Variants in FSTL5 observed in about 807,000 individuals in gnomAD.
FSTL5 encodes follistatin like 5.
A neutral mutation model predicts 89.1 loss-of-function variants in FSTL5; 62 were observed. The ratio of observed to expected loss-of-function variants is 0.70; its 90% confidence interval spans 0.57 to 0.86. The LOEUF (loss-of-function observed/expected upper bound fraction) is 0.86. Among genes scored for constraint, FSTL5 ranks in the 40% least tolerant of loss-of-function variants. The pLI, the probability that FSTL5 is intolerant of heterozygous loss-of-function variation, is 0.00. For missense variants in FSTL5, 1,057 were observed against 1,001.6 expected (o/e 1.06, Z -0.75); for synonymous variants, 383 against 346.2 (o/e 1.11, Z -1.18).
chr4:162,010,426 A>G (rs1264097507), intron 3 of FSTL5, among the ~76,000 whole-genome samples: 3 of 152,218 alleles, frequency 2.0e-5, no homozygotes, highest in Admixed American at 6.5e-5. Context: ...TCATGCTAAA[A>G]GGAAAAAAAT....
At chr4:161,993,435 T>C (rs191283434) in intron 3 of FSTL5, among the ~76,000 whole-genome samples, 275 of 146,932 alleles carry the variant, frequency 1.9e-3, no homozygotes, top group Middle Eastern at 3.6e-3. Context: ...TTTTGAGAAG[T>C]ATGATTTTTA....
intron 13 of FSTL5, among the ~76,000 whole-genome samples, chr4:161,468,257 T>C (rs201117551): frequency 0.03 from 4,485 of 152,008 alleles, 162 homozygotes; most frequent in East Asian, 0.13. Flanking sequence ...TTTTTTTTTT[T>C]TTTTACAATA....
intron 4 of FSTL5, among the ~76,000 whole-genome samples, chr4:161,808,226 A>G (rs537047653): frequency 6.6e-6 from 1 of 152,302 alleles, no homozygotes; most frequent in South Asian, 2.1e-4. Flanking sequence ...TAGATGGCCA[A>G]TGTATGATTG....
At chr4:161,499,908 T>C (rs1222082658) in intron 12 of FSTL5, 108 bp downstream of exon 12, 2 of 668,498 alleles carry the variant, frequency 3.0e-6, no homozygotes, top group Non-Finnish European at 5.3e-6. Flanking sequence ...CATAATTTTC[T>C]TCCAACACGA....
At chr4:162,066,317 C>CTTTCTTCTTCTTCT (rs373147359) in intron 2 of FSTL5, among the ~76,000 whole-genome samples, 1 of 89,546 alleles carries the variant, frequency 1.1e-5, no homozygotes, top group Non-Finnish European at 2.1e-5. Context: ...TCTTCTTCTT[C>CTTTCTTCTTCTTCT]TTCTTCTTCT....
At chr4:161,480,318 C>T (rs1356341768) in intron 13 of FSTL5, among the ~76,000 whole-genome samples, 3 of 152,236 alleles carry the variant, frequency 2.0e-5, no homozygotes, top group South Asian at 4.1e-4. Context: ...AACTTAATTT[C>T]CTCTGAGCTG....
intron 4 of FSTL5, among the ~76,000 whole-genome samples, chr4:161,779,753 GT>G (rs61609064): frequency 8.2e-5 from 8 of 96,974 alleles, no homozygotes; most frequent in Non-Finnish European, 8.8e-5. Flanking sequence ...AGGATTATTT[GT>G]AAAGTTATAT....
At chr4:161,674,440 C>A (rs1026847847) in intron 6 of FSTL5, among the ~76,000 whole-genome samples, 6 of 152,130 alleles carry the variant, frequency 3.9e-5, no homozygotes, top group Non-Finnish European at 7.4e-5. Flanking sequence ...TTCCTCATTG[C>A]TGCCCTGGTC....
intron 7 of FSTL5, among the ~76,000 whole-genome samples, chr4:161,636,384 T>C (rs1056279465): frequency 2.6e-5 from 4 of 151,608 alleles, no homozygotes; most frequent in Non-Finnish European, 5.9e-5. Context: ...TTAAACATTA[T>C]CCATAATCTC....
intron 3 of FSTL5, among the ~76,000 whole-genome samples, chr4:162,029,031 T>A (rs1281874319): frequency 1.3e-5 from 2 of 152,066 alleles, no homozygotes; most frequent in African/African-American, 2.4e-5. Flanking sequence ...TGTCCCCGGA[T>A]ACATTAGGCG....
chr4:162,147,524 A>G (rs913160809), intron 1 of FSTL5, among the ~76,000 whole-genome samples: 7 of 152,168 alleles, frequency 4.6e-5, no homozygotes, highest in Non-Finnish European at 1.0e-4. Flanking sequence ...GAATTATACA[A>G]TCACTCTATT....
At chr4:161,488,084 T>C (rs540321507) in intron 12 of FSTL5, among the ~76,000 whole-genome samples, 2 of 152,222 alleles carry the variant, frequency 1.3e-5, no homozygotes, top group Non-Finnish European at 2.9e-5. Context: ...TTTGGTAGCA[T>C]TGAATAGCCT....
At chr4:161,595,801 T>A (rs1038571917) in intron 7 of FSTL5, among the ~76,000 whole-genome samples, 1 of 152,008 alleles carries the variant, frequency 6.6e-6, no homozygotes, top group Non-Finnish European at 1.5e-5. Flanking sequence ...ATAAAAGATA[T>A]TTCATCTGTT....
At chr4:161,641,445 C>A (rs1735953452) in intron 7 of FSTL5, among the ~76,000 whole-genome samples, 1 of 149,258 alleles carries the variant, frequency 6.7e-6, no homozygotes, top group South Asian at 2.1e-4. Flanking sequence ...TGTTAAAGAG[C>A]AGAATTTTGT....
At chr4:161,683,588 C>A (rs1299546883) in intron 6 of FSTL5, among the ~76,000 whole-genome samples, 1 of 151,754 alleles carries the variant, frequency 6.6e-6, no homozygotes, top group Admixed American at 6.6e-5. Flanking sequence ...GTCCATAATC[C>A]TCTACCAAAA....
At chr4:161,961,275 T>C (rs544635278) in intron 3 of FSTL5, among the ~76,000 whole-genome samples, 1 of 151,888 alleles carries the variant, frequency 6.6e-6, no homozygotes, top group African/African-American at 2.4e-5. Flanking sequence ...CCTTGCTAAG[T>C]TTTGTTTGTT....
intron 8 of FSTL5, among the ~76,000 whole-genome samples, chr4:161,546,835 T>A (rs1251081970): frequency 3.3e-5 from 5 of 152,002 alleles, no homozygotes; most frequent in African/African-American, 1.2e-4. Context: ...ATCTCTTTAG[T>A]AGTGTTAAAA....
chr4:161,488,170 C>T (rs889036459), intron 12 of FSTL5, among the ~76,000 whole-genome samples: 1 of 151,966 alleles, frequency 6.6e-6, no homozygotes, highest in African/African-American at 2.4e-5. Flanking sequence ...TGCTTATAAC[C>T]AAAGCAATAC....
chr4:161,651,151 C>G (rs1208808086), intron 7 of FSTL5, among the ~76,000 whole-genome samples: 2 of 151,870 alleles, frequency 1.3e-5, no homozygotes. Flanking sequence ...AACCAGGAAC[C>G]AAATCAAAAT....
Sources: gnomAD v4.1 joint callset for allele counts (sites outside exome capture counted in the v4.1 genomes callset) on GRCh38, gnomAD v4.1.1 for gene constraint, MANE v1.5 for transcripts, NCBI Gene and HGNC (gene_info 2026-07-23, HGNC 2026-07-21) for gene names.